Variants in CACNA2D3 observed in about 807,000 individuals in gnomAD.
CACNA2D3 encodes the protein calcium voltage-gated channel auxiliary subunit alpha2delta 3, also known as voltage-dependent calcium channel subunit alpha-2/delta-3.
In CACNA2D3, 60 loss-of-function variants were observed where a neutral mutation model predicts 160.6. That is an observed-to-expected ratio of 0.37 (90% CI 0.30 to 0.46). The LOEUF (loss-of-function observed/expected upper bound fraction) is 0.46. Among genes scored for constraint, CACNA2D3 ranks in the 20% least tolerant of loss-of-function variants. The pLI, the probability that CACNA2D3 is intolerant of heterozygous loss-of-function variation, is 1.00. For missense variants in CACNA2D3, 1,205 were observed against 1,365.0 expected, an observed-to-expected ratio of 0.88 and a Z score of 1.85; for synonymous variants, 558 against 492.9, an observed-to-expected ratio of 1.13 and a Z score of -1.75.
chr3:54,821,354 C>T (rs1921537), intron 14 of CACNA2D3, among the ~76,000 whole-genome samples: 4,054 of 152,300 alleles, frequency 0.027, 172 homozygotes, highest in African/African-American at 0.089. Flanking sequence ...CTGTTAGGAA[C>T]AGCTTAACTT....
In CACNA2D3 at chr3:54,854,118, G is replaced by A. The variant is rs568790334; in HGVS notation, c.1626+7651G>A. ...CCTAGGCCTGGTCTGAGTCCATTTCGTTTAGTTTCAAAGAAAGAATTAACA... is the reference window on the plus strand; with the variant it reads ...CCTAGGCCTGGTCTGAGTCCATTTCATTTAGTTTCAAAGAAAGAATTAACA... On this transcript the variant is annotated intron_variant, in intron 17 of 37. Transcript: ENST00000474759. Among the ~76,000 whole-genome samples the A allele has an allele frequency of 3.9e-5, 6 of 152,276 alleles. No individual in the cohort carries two copies. The East Asian group carries it at 5.8e-4, about 15-fold the overall frequency.
intron 35 of CACNA2D3, among the ~76,000 whole-genome samples, chr3:55,061,832 A>G (rs1455316948): frequency 6.6e-6 from 1 of 152,218 alleles, no homozygotes; most frequent in African/African-American, 2.4e-5. Context: ...TCTAGACAGC[A>G]TGCCTGGACA....
chr3:54,813,863 C>CTTTTTT (rs10699574), intron 13 of CACNA2D3, among the ~76,000 whole-genome samples: 1 of 121,596 alleles, frequency 8.2e-6, no homozygotes, highest in African/African-American at 3.1e-5. Context: ...TTATAATATT[C>CTTTTTT]TTTTTTTTTT....
chr3:54,445,337 C>A (rs1700204611), intron 4 of CACNA2D3, among the ~76,000 whole-genome samples: 1 of 152,216 alleles, frequency 6.6e-6, no homozygotes, highest in African/African-American at 2.4e-5. Context: ...TGATACTTCA[C>A]TACTCAGGCC....
intron 4 of CACNA2D3, among the ~76,000 whole-genome samples, chr3:54,413,865 G>A (rs888477169): frequency 5.5e-5 from 8 of 146,154 alleles, no homozygotes; most frequent in Non-Finnish European, 9.0e-5. Context: ...TGGTAATTTC[G>A]CCATCTGGTT....
intron 5 of CACNA2D3, among the ~76,000 whole-genome samples, chr3:54,531,214 AAGAGG>A: frequency 6.6e-6 from 1 of 152,186 alleles, no homozygotes; most frequent in African/African-American, 2.4e-5. Flanking sequence ...CTGCTTACAG[AAGAGG>A]ATTTTTACAT....
intron 11 of CACNA2D3, among the ~76,000 whole-genome samples, chr3:54,705,904 C>T (rs538698190): frequency 6.6e-6 from 1 of 152,238 alleles, no homozygotes; most frequent in East Asian, 1.9e-4. Context: ...TCTCATGCCT[C>T]ATAAAGTGAT....
chr3:54,801,551 A>G (rs1203387358), intron 13 of CACNA2D3, among the ~76,000 whole-genome samples: 2 of 152,174 alleles, frequency 1.3e-5, no homozygotes, highest in Non-Finnish European at 2.9e-5. Context: ...TTAATAAGTA[A>G]CTTATTACAT....
At chr3:54,577,594 C>T (rs1702606576) in intron 8 of CACNA2D3, among the ~76,000 whole-genome samples, 3 of 152,176 alleles carry the variant, frequency 2.0e-5, no homozygotes, top group Non-Finnish European at 4.4e-5. Flanking sequence ...ATCTGTTGGC[C>T]TTTCCCTTTA....
At chr3:54,590,984 A>T (rs1702848404) in intron 9 of CACNA2D3, among the ~76,000 whole-genome samples, 1 of 152,160 alleles carries the variant, frequency 6.6e-6, no homozygotes, top group African/African-American at 2.4e-5. Flanking sequence ...TTTTATTTGG[A>T]GAAAAGCTCA....
intron 14 of CACNA2D3, among the ~76,000 whole-genome samples, chr3:54,819,051 C>A (rs953050881): frequency 3.3e-5 from 5 of 150,510 alleles, no homozygotes; most frequent in Admixed American, 2.0e-4. Context: ...GCCCCCAACT[C>A]CCCTTCCCAT....
chr3:54,542,823 G>A (rs1256703834), intron 5 of CACNA2D3, among the ~76,000 whole-genome samples: 4 of 152,066 alleles, frequency 2.6e-5, no homozygotes, highest in Non-Finnish European at 5.9e-5. Context: ...ACAATACTTT[G>A]CATCCTTCAG....
At chr3:54,560,634 T>G (rs1411171899) in intron 5 of CACNA2D3, among the ~76,000 whole-genome samples, 1 of 152,236 alleles carries the variant, frequency 6.6e-6, no homozygotes, top group East Asian at 1.9e-4. Context: ...GGTGTCTTTG[T>G]CATGAAATAT....
intron 2 of CACNA2D3, among the ~76,000 whole-genome samples, chr3:54,257,584 A>G (rs977931938): frequency 1.3e-5 from 2 of 151,628 alleles, no homozygotes; most frequent in African/African-American, 4.9e-5. Flanking sequence ...GTCAGAGAGG[A>G]TGGTTTTCTT....
At chr3:54,260,471 A>G (rs368610210) in intron 2 of CACNA2D3, among the ~76,000 whole-genome samples, 3 of 152,204 alleles carry the variant, frequency 2.0e-5, no homozygotes, top group African/African-American at 7.2e-5. Context: ...GTGTCAGTTC[A>G]GGTCTCTCTT....
chr3:54,778,630 A>G (rs1293313558), intron 13 of CACNA2D3, among the ~76,000 whole-genome samples: 1 of 152,192 alleles, frequency 6.6e-6, no homozygotes, highest in African/African-American at 2.4e-5. Context: ...ACTGAACTTT[A>G]AATTCCTTGA....
At chr3:54,148,429 G>A (rs148458121) in intron 2 of CACNA2D3, among the ~76,000 whole-genome samples, 36 of 152,320 alleles carry the variant, frequency 2.4e-4, no homozygotes, top group African/African-American at 7.2e-4. Flanking sequence ...AGAACTAGGC[G>A]CTGGAATGGG....
chr3:54,324,745 A>G (rs1049469781), intron 3 of CACNA2D3, among the ~76,000 whole-genome samples: 1 of 152,170 alleles, frequency 6.6e-6, no homozygotes, highest in African/African-American at 2.4e-5. Context: ...TTAAGTCCCT[A>G]CGAATGGACA....
At chr3:54,515,544 G>C (rs1190430639) in intron 5 of CACNA2D3, among the ~76,000 whole-genome samples, 3 of 152,216 alleles carry the variant, frequency 2.0e-5, no homozygotes, top group South Asian at 2.1e-4. Flanking sequence ...TTTTGTTAGA[G>C]GTAGCAGAAC....
Sources: allele counts gnomAD v4.1 joint callset (sites outside exome capture counted in the v4.1 genomes callset), GRCh38; gene constraint gnomAD v4.1.1; transcripts MANE v1.5; gene names NCBI Gene and HGNC (gene_info 2026-07-23, HGNC 2026-07-21).